The following ELP3 variants were observed in gnomAD, a reference collection of about 807,000 sequenced individuals.
ELP3 encodes the protein elongator acetyltransferase complex subunit 3, also known as elongator complex protein 3.
A neutral mutation model predicts 74.9 loss-of-function variants in ELP3; 56 were observed. The observed-to-expected ratio is 0.75, with a 90% CI of 0.60 to 0.93. ELP3 has a LOEUF of 0.93. Ranked by LOEUF, ELP3 falls within the 40% of genes least tolerant of loss-of-function variation. The pLI, the probability that ELP3 is intolerant of heterozygous loss-of-function variation, is 0.00. For synonymous variants in ELP3, 222 were observed against 239.8 expected (o/e 0.93, Z 0.68); for missense variants, 573 against 686.5 (o/e 0.83, Z 1.85).
intron 10 of ELP3, among the ~76,000 whole-genome samples, chr8:28,154,575 A>G (rs1813758040): frequency 6.6e-6 from 1 of 152,278 alleles, no homozygotes; most frequent in Admixed American, 6.5e-5. Context: ...TTTATAAATT[A>G]TTTCAGGGTA....
chr8:28,170,436 G>A (rs1814474665), intron 14 of ELP3, among the ~76,000 whole-genome samples: 1 of 152,164 alleles, frequency 6.6e-6, no homozygotes, highest in African/African-American at 2.4e-5. Flanking sequence ...GAGCTTGGCA[G>A]GTCCAACAAT....
rs138223318 is a variant in ELP3 at position 28,134,036 on chromosome 8, C to T, written c.906+1632C>T. On this transcript the variant is annotated intron_variant, in intron 9 of 14. Coordinates refer to ENST00000256398, the MANE Select transcript of ELP3 (RefSeq NM_018091.6). ...TTGTTACATAGGTATACATGTGCCA[C>T]GTTGGTTGGCTGCACCCATGAACTT... is the stretch of plus-strand genomic sequence containing the variant. Among the ~76,000 whole-genome samples the T allele has an allele frequency of 1.4e-4, 21 of 152,214 alleles. No individual in the cohort carries two copies. The East Asian group carries it at 3.9e-3, about 28-fold the overall frequency.
intron 5 of ELP3, among the ~76,000 whole-genome samples, chr8:28,108,392 AC>A (rs2130382439): frequency 6.6e-6 from 1 of 151,780 alleles, no homozygotes; most frequent in Admixed American, 6.6e-5. Flanking sequence ...ACTACATTGT[AC>A]TGTCACTTTA....
At chr8:28,097,585 A>T (rs1239941169) in intron 2 of ELP3, among the ~76,000 whole-genome samples, 2 of 151,670 alleles carry the variant, frequency 1.3e-5, no homozygotes, top group Admixed American at 6.6e-5. Flanking sequence ...TTTAGTAGAG[A>T]CGGGGTTTCA....
chr8:28,144,345 C>G (rs991373245), intron 10 of ELP3, among the ~76,000 whole-genome samples: 12 of 152,208 alleles, frequency 7.9e-5, no homozygotes, highest in Non-Finnish European at 1.5e-4. Context: ...CACAGTGGCT[C>G]TCGTGTGTAA....
chr8:28,147,525 C>T lies in ELP3; in HGVS notation c.1101-8417C>T, dbSNP rs907856145. On this transcript the variant is annotated intron_variant, in intron 10 of 14. Coordinates refer to ENST00000256398, the MANE Select transcript of ELP3 (RefSeq NM_018091.6). This position sits in a 1 kb window ranked among gnomAD's most constrained non-coding sequence, Gnocchi z 4.5. ...TAAAAGGTGAAAGCTGAAAAGAACA[C>T]CAACGTACCATGTTAGTATTGGAAT... Among the ~76,000 whole-genome samples, 15 of 152,112 alleles carry T rather than the reference C, an allele frequency of 9.9e-5. No individual in the cohort carries two copies. The highest frequency in any genetic ancestry group is 3.6e-4 in the African/African-American group (15 of 41,410).
At chr8:28,116,379 A>G (rs937160338) in intron 7 of ELP3, among the ~76,000 whole-genome samples, 42 of 152,092 alleles carry the variant, frequency 2.8e-4, no homozygotes, top group Non-Finnish European at 5.3e-4. Flanking sequence ...TAGCATTGTG[A>G]TTTCTTCGTC....
chr8:28,175,701 T>C (rs1471927827), intron 14 of ELP3, among the ~76,000 whole-genome samples: 3 of 152,204 alleles, frequency 2.0e-5, no homozygotes, highest in Middle Eastern at 3.4e-3. Context: ...CAATTTTATA[T>C]TGAACTACTG....
rs1811861567 is a variant in ELP3, at chr8:28,110,247, T to C, written c.394-123T>C. ...CCCTGACAAGACTGAGAAAAATTAA[T>C]GCGGGTACAAGCCACGTTTTCAGTG... On this transcript the variant is annotated intron_variant, in intron 5 of 14. Coordinates refer to ENST00000256398, the MANE Select transcript of ELP3 (RefSeq NM_018091.6). The C allele has an allele frequency of 4.9e-6, 4 of 817,770 alleles. No individual in the cohort carries two copies. The Admixed American group carries it at 7.6e-5, about 16-fold the overall frequency. 50.7% of individuals were successfully genotyped at this position (817,770 alleles called of 1,614,324 possible). A position where few individuals can be genotyped will look rare whatever the true frequency, so the allele number is the denominator to read the frequency against.
intron 2 of ELP3, 137 bp downstream of exon 2, chr8:28,097,455 C>A: frequency 9.5e-6 from 5 of 527,854 alleles, no homozygotes; most frequent in African/African-American, 2.1e-5. Context: ...CCTTGTCATT[C>A]ATTTCTTTTT....
chr8:28,143,975 G>T (rs1813339154), intron 10 of ELP3, among the ~76,000 whole-genome samples: 1 of 151,942 alleles, frequency 6.6e-6, no homozygotes, highest in African/African-American at 2.4e-5. Flanking sequence ...TATAGAATTG[G>T]GTGCTTTATA....
At chr8:28,122,571 A>G (rs934388726) in intron 7 of ELP3, among the ~76,000 whole-genome samples, 2 of 152,136 alleles carry the variant, frequency 1.3e-5, no homozygotes, top group African/African-American at 4.8e-5. Context: ...ATTTTGTCAA[A>G]CATTTTGGTA....
At chr8:28,116,427 A>G (rs558938770) in intron 7 of ELP3, among the ~76,000 whole-genome samples, 13 of 152,162 alleles carry the variant, frequency 8.5e-5, no homozygotes, top group African/African-American at 1.9e-4. Flanking sequence ...TGGCGACTGC[A>G]TTGTTACTGC....
At chr8:28,127,531 A>C (rs939141724) in intron 7 of ELP3, among the ~76,000 whole-genome samples, 1 of 151,894 alleles carries the variant, frequency 6.6e-6, no homozygotes. Context: ...TCCATAATAT[A>C]TGAATATTTA....
chr8:28,092,785 T>TTCCC (rs1402233125), upstream of ELP3: 8 of 178,672 alleles, frequency 4.5e-5, no homozygotes, highest in African/African-American at 1.9e-4. Context: ...CCCATTCGCG[T>TTCCC]TCCCACCCAC....
At chr8:28,175,662 C>T (rs4301405) in intron 14 of ELP3, among the ~76,000 whole-genome samples, 5,175 of 152,168 alleles carry the variant, frequency 0.034, 320 homozygotes, top group African/African-American at 0.12. Flanking sequence ...TGTGAATGAG[C>T]CATTCTTCCC....
intron 7 of ELP3, among the ~76,000 whole-genome samples, chr8:28,123,499 C>G (rs1203921180): frequency 6.6e-6 from 1 of 152,086 alleles, no homozygotes; most frequent in Non-Finnish European, 1.5e-5. Context: ...TTCTCAGTTG[C>G]TGGGTGTCAT....
chr8:28,110,370 C>T lies in ELP3; in HGVS notation c.394C>T (p.Pro132Ser). The change falls in exon 6 of 15, where the codon CCA becomes TCA. Residue 132 changes from proline to serine, a missense_variant and splice_region_variant. Physicochemically the swap from Pro to Ser is moderately conservative, Grantham distance 74. Coordinates refer to ENST00000256398, the MANE Select transcript of ELP3 (RefSeq NM_018091.6). ...GCATAACAATATTTTTCTCTTCTAGCCAACCTCCATGAGAGCTATCCGTGC... is the reference window on the plus strand; with the variant it reads ...GCATAACAATATTTTTCTCTTCTAGTCAACCTCCATGAGAGCTATCCGTGC... ...YSTQSYTGYE[P>S]TSMRAIRARY... 1 of 1,612,948 alleles carries T rather than the reference C, an allele frequency of 6.2e-7. No homozygotes were observed. The highest frequency in any genetic ancestry group is 8.5e-7 in the Non-Finnish European group (1 of 1,179,484).
rs779432524 is a variant in ELP3 at position 28,132,390 on chromosome 8, A to G, written c.892A>G (p.Ile298Val). 6.2e-7 allele frequency: 1 copy of G among 1,614,142 alleles called. No individual in the cohort carries two copies. Among genetic ancestry groups the G allele is most frequent in the Non-Finnish European group, 8.5e-7 (1 of 1,179,968 alleles). ...GCCAAACGTGGGACTAGAAAGAGAC[A>G]TTGAACAGTTCACAGTAAGTGTGAC... ...DLPNVGLERD[I>V]EQFTEFFENP... The change falls in exon 9 of 15, where the codon ATT becomes GTT. Residue 298 changes from isoleucine (I) to valine (V), a missense_variant. By Grantham distance (29) the Ile-to-Val change is conservative. Coordinates refer to ENST00000256398, the MANE Select transcript of ELP3 (RefSeq NM_018091.6).
Sources: allele counts gnomAD v4.1 joint callset (sites outside exome capture counted in the v4.1 genomes callset), GRCh38; gene constraint gnomAD v4.1.1; non-coding constraint Gnocchi (gnomAD v3.1); transcripts MANE v1.5; gene names NCBI Gene and HGNC (gene_info 2026-07-23, HGNC 2026-07-21).